Variants in PGPEP1L observed in about 807,000 individuals in gnomAD.
PGPEP1L encodes the protein pyroglutamyl-peptidase 1-like protein.
In PGPEP1L, 7 loss-of-function variants were observed where a neutral mutation model predicts 6.0. The ratio of observed to expected loss-of-function variants is 1.17; its 90% CI spans 0.66 to 2.19. The LOEUF (loss-of-function observed/expected upper bound fraction) is 2.19, where lower values mean the gene tolerates loss of function less well. PGPEP1L is among the 30% of genes most tolerant of loss of function. PGPEP1L has a pLI of 0.00. For missense variants in PGPEP1L, 209 were observed against 192.5 expected (o/e 1.09, Z -0.51); for synonymous variants, 103 against 83.9 (o/e 1.23, Z -1.24).
At chr15:98,997,489 G>A (rs1183130234) in intron 2 of PGPEP1L, among the ~76,000 whole-genome samples, 1 of 152,186 alleles carries the variant, frequency 6.6e-6, no homozygotes, top group East Asian at 1.9e-4. Flanking sequence ...AGTGACAGCT[G>A]TATGGGGACA....
chr15:99,001,189 CGA>C (rs1491211363), intron 2 of PGPEP1L: 5 of 435,092 alleles, frequency 1.1e-5, no homozygotes, highest in Middle Eastern at 3.4e-4. Flanking sequence ...ACACTCACCA[CGA>C]GAGTCCGCGG....
chr15:98,992,683 C>T (rs1469290466), intron 2 of PGPEP1L, among the ~76,000 whole-genome samples: 1 of 152,194 alleles, frequency 6.6e-6, no homozygotes, highest in Non-Finnish European at 1.5e-5. Context: ...ATCACATTAC[C>T]TGACTTCAAA....
chr15:98,978,520 G>A (rs906804695), intron 2 of PGPEP1L, among the ~76,000 whole-genome samples: 4 of 152,038 alleles, frequency 2.6e-5, no homozygotes, highest in Non-Finnish European at 5.9e-5. Flanking sequence ...GGATGGAGAT[G>A]AGAAAAGGTT....
intron 2 of PGPEP1L, among the ~76,000 whole-genome samples, chr15:98,981,128 A>G (rs531947407): frequency 6.6e-6 from 1 of 151,964 alleles, no homozygotes; most frequent in African/African-American, 2.4e-5. Flanking sequence ...AAAGCAGCAG[A>G]AAAGTCCCAA....
chr15:99,001,086 A>G (rs2593050), intron 2 of PGPEP1L: 360,622 of 384,590 alleles, frequency 0.94, 169,222 homozygotes, highest in South Asian at 0.94. Flanking sequence ...CTGAGCCAGC[A>G]AGACCATGAA....
At chr15:98,975,886 A>T (rs994738390) in intron 2 of PGPEP1L, among the ~76,000 whole-genome samples, 1 of 151,982 alleles carries the variant, frequency 6.6e-6, no homozygotes, top group African/African-American at 2.4e-5. Context: ...GTCTCAAAAT[A>T]AATAAATAAG....
At chr15:99,002,294 C>G (rs1248322853) in intron 2 of PGPEP1L, among the ~76,000 whole-genome samples, 5 of 152,146 alleles carry the variant, frequency 3.3e-5, no homozygotes, top group African/African-American at 7.2e-5. Flanking sequence ...TTGTACCCAG[C>G]CTACATAAAA....
chr15:98,988,644 G>A (rs2017780477), intron 2 of PGPEP1L, among the ~76,000 whole-genome samples: 1 of 143,200 alleles, frequency 7.0e-6, no homozygotes, highest in African/African-American at 2.6e-5. Context: ...CTTTGATAAG[G>A]GACAGACTAC....
At position 98,973,714 on chromosome 15, in the gene PGPEP1L, G is replaced by C. The variant is rs570378852; in HGVS notation, c.-141-2556C>G. On this transcript the variant is annotated intron_variant, in intron 2 of 4. Transcript: ENST00000535714. ...TGGGATACAGCAAAAACTGTTCTAA[G>C]AGGGAAGATTATAGCAATAAATGCT... Among the ~76,000 whole-genome samples the C allele has an allele frequency of 5.9e-5, 9 of 152,302 alleles. No individual in the cohort carries two copies. The East Asian group carries it at 1.7e-3, about 29-fold the overall frequency.
intron 2 of PGPEP1L, among the ~76,000 whole-genome samples, chr15:98,998,839 A>G (rs1413146682): frequency 6.6e-6 from 1 of 152,174 alleles, no homozygotes; most frequent in Non-Finnish European, 1.5e-5. Flanking sequence ...TTAGCCAGAC[A>G]TGGTGGGCAC....
intron 1 of PGPEP1L, among the ~76,000 whole-genome samples, chr15:99,006,613 G>A (rs1335842318): frequency 6.6e-6 from 1 of 152,226 alleles, no homozygotes; most frequent in Non-Finnish European, 1.5e-5. Context: ...AGGATAGCCT[G>A]AGGCCAGGAG....
intron 2 of PGPEP1L, among the ~76,000 whole-genome samples, chr15:99,003,066 A>C (rs1469204304): frequency 6.6e-6 from 1 of 152,146 alleles, no homozygotes; most frequent in Admixed American, 6.5e-5. Context: ...TGAGGGAATG[A>C]AACAGTTTTG....
At chr15:99,002,158 C>G (rs552776438) in intron 2 of PGPEP1L, among the ~76,000 whole-genome samples, 101 of 152,192 alleles carry the variant, frequency 6.6e-4, no homozygotes, top group African/African-American at 2.2e-3. Flanking sequence ...ACCACAGGTG[C>G]ATGCCACCAT....
chr15:98,987,667 T>TAC (rs1217612518), intron 2 of PGPEP1L, among the ~76,000 whole-genome samples: 1 of 152,198 alleles, frequency 6.6e-6, no homozygotes, highest in Admixed American at 6.5e-5. Flanking sequence ...CCACATACTC[T>TAC]ACTTCTACTC....
chr15:98,995,642 G>A (rs1272626241), intron 2 of PGPEP1L, among the ~76,000 whole-genome samples: 5 of 152,216 alleles, frequency 3.3e-5, no homozygotes, highest in Admixed American at 3.3e-4. Flanking sequence ...GTTGCAGTGA[G>A]CCAAGATGGC....
chr15:99,004,942 T>C (rs1567245646), intron 2 of PGPEP1L, among the ~76,000 whole-genome samples: 1 of 151,796 alleles, frequency 6.6e-6, no homozygotes, highest in Non-Finnish European at 1.5e-5. Context: ...ATGGAAGTTC[T>C]TACTCTGGAA....
chr15:98,968,345 T>G lies in PGPEP1L; in HGVS notation c.*133A>C. 1 of 855,278 alleles carries G rather than the reference T, an allele frequency of 1.2e-6. No homozygotes were observed. The highest frequency in any genetic ancestry group is 1.8e-6 in the Non-Finnish European group (1 of 549,996). The allele number at this position is 855,278 out of a possible 1,614,324, so 53.0% of individuals were successfully genotyped here. ...TGACAATAAAATAACCCTTTGTGAT[T>G]TTGTTGGGCTAATTCAGAGTTTTCC... On this transcript the variant is annotated 3_prime_UTR_variant, in exon 5 of 5. Transcript: ENST00000535714.
chr15:98,986,126 TAA>T (rs1489811947), intron 2 of PGPEP1L, among the ~76,000 whole-genome samples: 10 of 152,200 alleles, frequency 6.6e-5, no homozygotes, highest in Admixed American at 3.3e-4. Flanking sequence ...AACTGTGGCA[TAA>T]GAGAGAGTAT....
Position 98,968,509 on chromosome 15 carries a change from G to A in PGPEP1L, c.398C>T (p.Ser133Leu). The A allele has an allele frequency of 1.9e-6, 3 of 1,613,636 alleles. No individual in the cohort carries two copies. Among genetic ancestry groups the A allele is most frequent in the Non-Finnish European group, 2.5e-6 (3 of 1,179,808 alleles). ...PKHRAQFEEN[S>L]TMVLPAKGN is the part of the protein sequence containing the mutation. ...CCCTTTGGCTGGAAGGACCATGGTT[G>A]AGTTTTCTTCGAACTGGGCTCTGTG... Residue 133 changes from serine to leucine, a missense_variant, in exon 5 of 5, where the codon TCA (serine) becomes TTA (leucine). By Grantham distance (145) the Ser-to-Leu change is moderately radical. Coordinates refer to ENST00000535714, the MANE Select transcript of PGPEP1L (RefSeq NM_001167902.2).
Sources: allele counts gnomAD v4.1 joint callset (sites outside exome capture counted in the v4.1 genomes callset), GRCh38; gene constraint gnomAD v4.1.1; transcripts MANE v1.5; gene names NCBI Gene and HGNC (gene_info 2026-07-23, HGNC 2026-07-21).